Variants in CFAP300 observed in about 807,000 individuals in gnomAD.
The protein encoded by CFAP300 is cilia- and flagella-associated protein 300.
In CFAP300, 32 loss-of-function variants were observed where a neutral mutation model predicts 33.0. The observed-to-expected ratio is 0.97, with a 90% CI of 0.73 to 1.30. The LOEUF is 1.30. CFAP300 is among the 50% of genes most tolerant of loss of function. The pLI, the probability that CFAP300 is intolerant of heterozygous loss-of-function variation, is 0.00. For missense variants in CFAP300, 356 were observed against 318.1 expected, an observed-to-expected ratio of 1.12 and a Z score of -0.90; for synonymous variants, 102 against 106.8, an observed-to-expected ratio of 0.95 and a Z score of 0.28.
chr11:102,064,447 G>A (rs1942194653), intron 3 of CFAP300, among the ~76,000 whole-genome samples: 1 of 152,058 alleles, frequency 6.6e-6, no homozygotes, highest in Non-Finnish European at 1.5e-5. Flanking sequence ...CTAAACAAAG[G>A]AAGCTTCTTA....
chr11:102,076,196 C>T (rs1565397629), intron 5 of CFAP300, 151 bp downstream of exon 5: 9 of 682,032 alleles, frequency 1.3e-5, no homozygotes, highest in African/African-American at 1.9e-5. Context: ...TCATAACCTT[C>T]CCCCTCTCTT....
chr11:102,074,846 G>A (rs1224356332), intron 4 of CFAP300, among the ~76,000 whole-genome samples: 1 of 151,866 alleles, frequency 6.6e-6, no homozygotes, highest in African/African-American at 2.4e-5. Context: ...AGGGCTACAG[G>A]CATTCACCAC....
At chr11:102,063,828 G>GA (rs928432427) in intron 3 of CFAP300, among the ~76,000 whole-genome samples, 2 of 151,032 alleles carry the variant, frequency 1.3e-5, no homozygotes, top group African/African-American at 4.9e-5. Context: ...AAGAAAAAAA[G>GA]AAAAAAAAAG....
chr11:102,080,674 A>G (rs1942460676), intron 5 of CFAP300, among the ~76,000 whole-genome samples: 1 of 152,166 alleles, frequency 6.6e-6, no homozygotes, highest in Non-Finnish European at 1.5e-5. Flanking sequence ...TGCTGAGATT[A>G]CAGCCATGAG....
intron 6 of CFAP300, among the ~76,000 whole-genome samples, chr11:102,082,137 A>G (rs887868969): frequency 1.3e-5 from 2 of 151,852 alleles, no homozygotes; most frequent in African/African-American, 4.8e-5. Context: ...TAATCCCAGC[A>G]CTTTGAGAGG....
At position 102,077,123 on chromosome 11, in the gene CFAP300, T is replaced by C. The variant is rs142877583; in HGVS notation, c.608+1078T>C. 4.0e-3 allele frequency among the ~76,000 whole-genome samples: 603 copies of C among 152,124 alleles called. 7 individuals are homozygous for C. The highest frequency in any genetic ancestry group is 0.014 in the African/African-American group (574 of 41,494). ...ACACGCACTCATGCACGTACACACA[T>C]ACTACTACCACTACTACCACAACGC... On this transcript the variant is annotated intron_variant, in intron 5 of 6. Coordinates refer to ENST00000434758, the MANE Select transcript of CFAP300 (RefSeq NM_032930.3).
chr11:102,051,456 A>T (rs1188617222), intron 2 of CFAP300, among the ~76,000 whole-genome samples: 2 of 152,252 alleles, frequency 1.3e-5, no homozygotes, highest in Middle Eastern at 6.8e-3. Context: ...GGCCTCCCAC[A>T]TCCCAGGGAG....
Position 102,047,543 on chromosome 11 carries a change from C to G in CFAP300, c.73C>G (p.Leu25Val), listed in dbSNP as rs1241271191. The G allele has an allele frequency of 2.6e-6, 4 of 1,536,036 alleles. No individual in the cohort carries two copies. In the Admixed American group the frequency reaches 5.9e-5, roughly 23 times the overall value. The change falls in exon 1 of 7, where the codon CTG becomes GTG. Residue 25 changes from leucine (L) to valine (V), a missense_variant. Transcript: ENST00000434758. Reference protein sequence around the residue: ...RFLPQKTFQSLSSKEITSRLR... With the variant: ...RFLPQKTFQSVSSKEITSRLR... The stretch of plus-strand genomic sequence containing the variant: ...CTTGCCTCAGAAAACCTTCCAGTCT[C>G]TGAGCTCTAAGGAGATCACCAGCCG...
intron 3 of CFAP300, among the ~76,000 whole-genome samples, chr11:102,060,251 G>A (rs1591317980): frequency 6.6e-6 from 1 of 151,842 alleles, no homozygotes; most frequent in East Asian, 1.9e-4. Flanking sequence ...GAGATTACAG[G>A]CGTGAACCAC....
chr11:102,063,448 A>G (rs975532229), intron 3 of CFAP300, among the ~76,000 whole-genome samples: 1 of 152,234 alleles, frequency 6.6e-6, no homozygotes, highest in African/African-American at 2.4e-5. Flanking sequence ...TTGCCTTAGC[A>G]TGAATCATAC....
chr11:102,049,507 G>A (rs920074553), intron 2 of CFAP300, among the ~76,000 whole-genome samples: 1 of 152,020 alleles, frequency 6.6e-6, no homozygotes, highest in Non-Finnish European at 1.5e-5. Flanking sequence ...AGAGTAAATT[G>A]GTTAAATGTC....
intron 4 of CFAP300, 128 bp downstream of exon 4, chr11:102,066,779 C>T (rs969602718): frequency 1.0e-5 from 7 of 696,604 alleles, no homozygotes; most frequent in African/African-American, 5.5e-5. Flanking sequence ...AAGTAATGAT[C>T]GGTAATAATC....
At chr11:102,065,682 G>T (rs1010294397) in intron 3 of CFAP300, among the ~76,000 whole-genome samples, 1 of 151,662 alleles carries the variant, frequency 6.6e-6, no homozygotes, top group Non-Finnish European at 1.5e-5. Flanking sequence ...CAGGAGAATC[G>T]CTTGAACCAG....
rs184646147 is a variant in CFAP300, at chr11:102,082,921, C to T, written c.676-150C>T. On this transcript the variant is annotated intron_variant, in intron 6 of 6. Transcript: ENST00000434758. ...CTGAAGCAGGAGAATCACTTGAACC[C>T]GTGCGGCAGAGGTTGCAGTGAGCCG... The T allele has an allele frequency of 4.7e-3, 992 of 212,858 alleles. 5 individuals are homozygous for T. Among genetic ancestry groups the T allele is most frequent in the Non-Finnish European group, 4.1e-3 (479 of 116,620 alleles). 13.2% of individuals were successfully genotyped at this position (212,858 alleles called of 1,614,324 possible). A position where few individuals can be genotyped will look rare whatever the true frequency, so the allele number is the denominator to read the frequency against.
At chr11:102,055,565 C>T (rs1942040792) in intron 2 of CFAP300, among the ~76,000 whole-genome samples, 1 of 150,682 alleles carries the variant, frequency 6.6e-6, no homozygotes, top group African/African-American at 2.4e-5. Flanking sequence ...CACCAGGTTG[C>T]TCAGGCTGGT....
chr11:102,081,346 A>G (rs767877914), intron 6 of CFAP300, 65 bp downstream of exon 6: 5 of 1,277,862 alleles, frequency 3.9e-6, no homozygotes, highest in Non-Finnish European at 5.7e-6. Context: ...AGTTGTTACA[A>G]CTGGAGTTAA....
intron 5 of CFAP300, among the ~76,000 whole-genome samples, chr11:102,080,675 C>T (rs1942460726): frequency 2.0e-5 from 3 of 152,150 alleles, no homozygotes; most frequent in Admixed American, 1.3e-4. Flanking sequence ...GCTGAGATTA[C>T]AGCCATGAGC....
At chr11:102,063,999 A>G (rs773493420) in intron 3 of CFAP300, among the ~76,000 whole-genome samples, 17 of 151,950 alleles carry the variant, frequency 1.1e-4, no homozygotes, top group Admixed American at 6.6e-4. Context: ...CCTCATTGAA[A>G]CCCAATTATT....
At chr11:102,073,915 C>G (rs533574143) in intron 4 of CFAP300, among the ~76,000 whole-genome samples, 4 of 152,242 alleles carry the variant, frequency 2.6e-5, no homozygotes, top group African/African-American at 9.6e-5. Flanking sequence ...CGTGGTAGAC[C>G]TCCTGCTGGT....
Sources: gnomAD v4.1 joint callset for allele counts (sites outside exome capture counted in the v4.1 genomes callset) on GRCh38, gnomAD v4.1.1 for gene constraint, MANE v1.5 for transcripts, NCBI Gene and HGNC (gene_info 2026-07-23, HGNC 2026-07-21) for gene names.